Variants in LSM3 observed in about 807,000 individuals in gnomAD.
LSM3 encodes the protein U6 snRNA-associated Sm-like protein LSm3.
LSM3 carries 14 observed loss-of-function variants against 15.4 expected under a neutral mutation model. The observed-to-expected ratio is 0.91, with a 90% confidence interval of 0.60 to 1.42. The LOEUF (loss-of-function observed/expected upper bound fraction) is 1.42, where lower values mean the gene tolerates loss of function less well. Among genes scored for constraint, LSM3 ranks in the 40% most tolerant of loss-of-function variants. The pLI, the probability that LSM3 is intolerant of heterozygous loss-of-function variation, is 0.00. For synonymous variants in LSM3, 46 were observed against 45.1 expected (o/e 1.02, Z -0.08); for missense variants, 88 against 127.9 (o/e 0.69, Z 1.50).
chr3:14,189,735 C>G (rs775550321), intron 3 of LSM3, among the ~76,000 whole-genome samples: 4 of 151,942 alleles, frequency 2.6e-5, no homozygotes, highest in Non-Finnish European at 5.9e-5. Flanking sequence ...AAAATTTTCT[C>G]CCATTCTGTA....
intron 3 of LSM3, among the ~76,000 whole-genome samples, chr3:14,186,134 C>T (rs968805823): frequency 6.6e-6 from 1 of 152,214 alleles, no homozygotes; most frequent in African/African-American, 2.4e-5. Flanking sequence ...TGGTCTCGAA[C>T]TCCTGGCCTC....
At chr3:14,188,171 A>G (rs749070175) in intron 3 of LSM3, among the ~76,000 whole-genome samples, 1 of 152,224 alleles carries the variant, frequency 6.6e-6, no homozygotes, top group Non-Finnish European at 1.5e-5. Context: ...TATGAGCCAC[A>G]TGTGGCTATT....
At chr3:14,180,235 G>T (rs542957727) in intron 1 of LSM3, among the ~76,000 whole-genome samples, 3 of 152,026 alleles carry the variant, frequency 2.0e-5, no homozygotes, top group African/African-American at 7.2e-5. Flanking sequence ...AATGTTTCCA[G>T]CAGTTCTGTA....
At chr3:14,181,511 C>A in intron 1 of LSM3, 49 bp from the exon 2 acceptor site, 2 of 1,181,800 alleles carry the variant, frequency 1.7e-6, no homozygotes, top group African/African-American at 1.5e-5. Flanking sequence ...GTGATTTAAG[C>A]ACTACTCTGA....
At chr3:14,179,452 CCTGGT>C (rs1442643906) in intron 1 of LSM3, among the ~76,000 whole-genome samples, 1 of 152,184 alleles carries the variant, frequency 6.6e-6, no homozygotes, top group Non-Finnish European at 1.5e-5. Flanking sequence ...AGCTTTTTCA[CCTGGT>C]CTTTTTCTTC....
At chr3:14,182,974 A>T (rs1252035277) in intron 2 of LSM3, among the ~76,000 whole-genome samples, 2 of 152,250 alleles carry the variant, frequency 1.3e-5, no homozygotes, top group Non-Finnish European at 2.9e-5. Flanking sequence ...GACAATCTAC[A>T]GCTGGCCTTA....
intron 3 of LSM3, among the ~76,000 whole-genome samples, chr3:14,195,395 C>T (rs1302585891): frequency 6.6e-6 from 1 of 152,028 alleles, no homozygotes; most frequent in South Asian, 2.1e-4. Flanking sequence ...CTGCCATAGT[C>T]TGCTCCCCCC....
At chr3:14,185,659 A>C (rs1481183594) in intron 3 of LSM3, among the ~76,000 whole-genome samples, 1 of 152,224 alleles carries the variant, frequency 6.6e-6, no homozygotes, top group Non-Finnish European at 1.5e-5. Flanking sequence ...CAAACTGAAC[A>C]AGTGGTAGTC....
chr3:14,187,745 G>GT (rs199989958), intron 3 of LSM3, among the ~76,000 whole-genome samples: 2 of 152,128 alleles, frequency 1.3e-5, no homozygotes, highest in Non-Finnish European at 2.9e-5. Flanking sequence ...AGGTTGTTGG[G>GT]TTTTTTTCCC....
At chr3:14,190,099 G>A (rs994642539) in intron 3 of LSM3, among the ~76,000 whole-genome samples, 6 of 152,188 alleles carry the variant, frequency 3.9e-5, no homozygotes, top group Admixed American at 3.9e-4. Context: ...TCAAAGATCA[G>A]GTGGTTGTGG....
At chr3:14,194,194 C>T (rs1213679596) in intron 3 of LSM3, among the ~76,000 whole-genome samples, 19 of 152,208 alleles carry the variant, frequency 1.2e-4, no homozygotes, top group Admixed American at 8.5e-4. Context: ...AGGTGTCTGT[C>T]GGCCCCAACT....
At position 14,198,547 on chromosome 3, in the gene LSM3, G is replaced by C. The variant is rs1697206370; in HGVS notation, c.*431G>C. ...TTTGAGGCACCAGGTTTGAGTGCTGGGAACCAGAGTTTTATCAAAATGCTT... is the reference window on the plus strand; with the variant it reads ...TTTGAGGCACCAGGTTTGAGTGCTGCGAACCAGAGTTTTATCAAAATGCTT... On this transcript the variant is annotated 3_prime_UTR_variant, in exon 4 of 4. Transcript: ENST00000306024. 6.2e-6 allele frequency: 1 copy of C among 160,362 alleles called. No individual in the cohort carries two copies. The highest frequency in any genetic ancestry group is 6.2e-5 in the Admixed American group (1 of 16,058). 9.9% of individuals were successfully genotyped at this position (160,362 alleles called of 1,614,324 possible).
chr3:14,185,749 A>G (rs547802084), intron 3 of LSM3, among the ~76,000 whole-genome samples: 2 of 152,288 alleles, frequency 1.3e-5, no homozygotes, highest in African/African-American at 2.4e-5. Flanking sequence ...AAATTCATTA[A>G]TCTGCCTTGC....
In LSM3 at chr3:14,178,839, G is replaced by T. The variant is rs1559388871; in HGVS notation, c.-22G>T. The T allele has an allele frequency of 3.1e-6, 5 of 1,614,248 alleles. No individual in the cohort carries two copies. In the East Asian group the frequency reaches 6.7e-5, roughly 22 times the overall value. ...GCTCTTGTGTTCTCGCGAGAGGCGGGAAAGGGCGCAGGGTTTGAAACATGG... is the reference window on the plus strand; with the variant it reads ...GCTCTTGTGTTCTCGCGAGAGGCGGTAAAGGGCGCAGGGTTTGAAACATGG... On this transcript the variant is annotated 5_prime_UTR_variant, in exon 1 of 4. Coordinates refer to ENST00000306024, the MANE Select transcript of LSM3 (RefSeq NM_014463.3).
At chr3:14,185,777 T>C (rs1697082947) in intron 3 of LSM3, among the ~76,000 whole-genome samples, 1 of 152,244 alleles carries the variant, frequency 6.6e-6, no homozygotes, top group Admixed American at 6.5e-5. Context: ...ATGGATCTCT[T>C]ACTCATGCAT....
At chr3:14,179,043 C>G (rs192209611) in intron 1 of LSM3, among the ~76,000 whole-genome samples, 162 bp downstream of exon 1, 1 of 152,274 alleles carries the variant, frequency 6.6e-6, no homozygotes, top group African/African-American at 2.4e-5. Context: ...GCCGTAGGCC[C>G]TGAGACCTTT....
chr3:14,187,320 C>T (rs536733329), intron 3 of LSM3, among the ~76,000 whole-genome samples: 46 of 152,192 alleles, frequency 3.0e-4, no homozygotes, highest in Non-Finnish European at 5.9e-4. Flanking sequence ...CTGAACGCTG[C>T]GTGCTGCGTG....
intron 2 of LSM3, among the ~76,000 whole-genome samples, chr3:14,181,914 A>G (rs1046916346): frequency 6.6e-6 from 1 of 152,268 alleles, no homozygotes; most frequent in Non-Finnish European, 1.5e-5. Flanking sequence ...GTTTATTTGT[A>G]AATAATATTT....
intron 3 of LSM3, among the ~76,000 whole-genome samples, chr3:14,187,683 A>G (rs1457747096): frequency 6.6e-6 from 1 of 152,084 alleles, no homozygotes; most frequent in African/African-American, 2.4e-5. Context: ...GAAATAACTA[A>G]TGAACATCAA....
Sources: allele counts gnomAD v4.1 joint callset (sites outside exome capture counted in the v4.1 genomes callset), GRCh38; gene constraint gnomAD v4.1.1; transcripts MANE v1.5; gene names NCBI Gene and HGNC (gene_info 2026-07-23, HGNC 2026-07-21).